The following ZNF667 variants were observed in gnomAD, a reference collection of about 807,000 sequenced individuals.
The protein encoded by ZNF667 is zinc finger protein 667.
Under a neutral mutation model 31.8 loss-of-function variants are expected in ZNF667, and 13 were observed. That is an observed-to-expected ratio of 0.41 (90% CI 0.27 to 0.65). The LOEUF (loss-of-function observed/expected upper bound fraction) is 0.65, where lower values mean the gene tolerates loss of function less well. Among genes scored for constraint, ZNF667 ranks in the 30% least tolerant of loss-of-function variants. The pLI is 0.32. For missense variants in ZNF667, 642 were observed against 725.6 expected (o/e 0.88, Z 1.32); for synonymous variants, 228 against 247.1 (o/e 0.92, Z 0.73).
At chr19:56,471,519 T>G (rs555097931) in intron 3 of ZNF667, among the ~76,000 whole-genome samples, 180 bp downstream of exon 3, 118 of 152,290 alleles carry the variant, frequency 7.7e-4, no homozygotes, top group African/African-American at 2.7e-3. Flanking sequence ...TGGGCAGATA[T>G]CCCTGAAGAG....
At position 56,442,594 on chromosome 19, in the gene ZNF667, G is replaced by A. The variant is rs35914474; in HGVS notation, c.401C>T (p.Pro134Leu). Residue 134 changes from proline to leucine, a missense_variant, in exon 7 of 7, where the codon CCT becomes CTT. Pro to Leu is a moderately conservative substitution (Grantham distance 98). Transcript: ENST00000504904. ...GCNKNSVLVK[P>L]KKGHSGKKPL... ...TTTCTTCCCTGAATGCCCTTTCTTAGGTTTTACTAGGACTGAATTTTTGTT... is the reference window on the plus strand; with the variant it reads ...TTTCTTCCCTGAATGCCCTTTCTTAAGTTTTACTAGGACTGAATTTTTGTT... The A allele has an allele frequency of 0.44, 711,332 of 1,613,488 alleles. 161,868 individuals are homozygous for A. Among genetic ancestry groups the A allele is most frequent in the Middle Eastern group, 0.56 (3,404 of 6,060 alleles).
chr19:56,469,972 G>C, intron 3 of ZNF667: 1 of 483,278 alleles, frequency 2.1e-6, no homozygotes, highest in South Asian at 1.5e-5. Context: ...CTTCACAGCG[G>C]AAACACATTC....
At chr19:56,470,094 T>C (rs754013878) in intron 3 of ZNF667, 2 of 451,446 alleles carry the variant, frequency 4.4e-6, no homozygotes, top group African/African-American at 2.0e-5. Flanking sequence ...TACTGAACCT[T>C]GCTGGGTCTT....
chr19:56,451,804 G>A (rs1334010594), intron 6 of ZNF667, among the ~76,000 whole-genome samples: 1 of 148,298 alleles, frequency 6.7e-6, no homozygotes, highest in African/African-American at 2.5e-5. Context: ...AGAAGGTTGA[G>A]GCTGCAGTGA....
chr19:56,458,244 A>G lies in ZNF667; in HGVS notation c.164T>C (p.Leu55Pro), dbSNP rs1442403897. The G allele has an allele frequency of 6.2e-7, 1 of 1,613,956 alleles. No homozygotes were observed. The highest frequency in any genetic ancestry group is 1.7e-5 in the Admixed American group (1 of 60,020). The change falls in exon 6 of 7, where the codon CTT becomes CCT. Residue 55 changes from leucine to proline, a missense_variant. Coordinates refer to ENST00000504904, the MANE Select transcript of ZNF667 (RefSeq NM_001321356.2). ...ENYRNLVSLG[L>P]SFRRPNVITL... ...GATCACATTTGGTCTCCGAAAGGAA[A>G]GACCTGTACGTGGGACAAACATGGG...
chr19:56,441,976 T>C lies in ZNF667; in HGVS notation c.1019A>G (p.Asn340Ser). Residue 340 changes from asparagine (N) to serine (S), a missense_variant, in exon 7 of 7, where the codon AAT becomes AGT. Asn to Ser is a conservative substitution (Grantham distance 46). Transcript: ENST00000504904. This position sits in a 1 kb window ranked among gnomAD's most constrained non-coding sequence, Gnocchi z 4.2. ...GTGAAGCATCAGGGGTGAAATCCTA[T>C]TAAATAATTTCCCACATTTTCTGCA... is the stretch of plus-strand genomic sequence containing the variant. The part of the protein sequence containing the change: ...FKCRKCGKLF[N>S]RISPLMLHQR... The C allele has an allele frequency of 1.2e-6, 2 of 1,614,010 alleles. No homozygotes were observed. The highest frequency in any genetic ancestry group is 2.2e-5 in the South Asian group (2 of 91,072).
intron 6 of ZNF667, among the ~76,000 whole-genome samples, chr19:56,447,150 G>GA (rs35935673): frequency 6.6e-6 from 1 of 151,424 alleles, no homozygotes; most frequent in African/African-American, 2.4e-5. Flanking sequence ...ACACAAAAAT[G>GA]AAAAAAACTT....
In ZNF667 at chr19:56,443,901, C is replaced by A. The variant is rs779778524; in HGVS notation, c.254-1160G>T. Among the ~76,000 whole-genome samples the A allele has an allele frequency of 3.4e-4, 52 of 152,228 alleles. 1 individual carries two copies. Among genetic ancestry groups the A allele is most frequent in the Non-Finnish European group, 6.3e-4 (43 of 68,024 alleles). ...ACCTGAGTGAATGTGGCATGATAAA[C>A]ACAGGCTTTAGAACTATGCTATCCA... On this transcript the variant is annotated intron_variant, in intron 6 of 6. Transcript: ENST00000504904.
intron 3 of ZNF667, chr19:56,468,434 C>CATAG (rs1408495456): frequency 2.6e-5 from 4 of 152,244 alleles, no homozygotes; most frequent in African/African-American, 9.7e-5. Flanking sequence ...TCTTATCTAC[C>CATAG]TATGACCTGA....
At chr19:56,456,240 G>A (rs1344646008) in intron 6 of ZNF667, among the ~76,000 whole-genome samples, 2 of 152,178 alleles carry the variant, frequency 1.3e-5, no homozygotes, top group East Asian at 1.9e-4. Flanking sequence ...TGTTGCTATT[G>A]ATGGTGCTGA....
chr19:56,456,691 A>C (rs1031106201), intron 6 of ZNF667, among the ~76,000 whole-genome samples: 4 of 152,230 alleles, frequency 2.6e-5, no homozygotes, highest in African/African-American at 2.4e-5. Flanking sequence ...AGGACATGAG[A>C]GACTAGTAAC....
At chr19:56,449,544 T>A in intron 6 of ZNF667, 1 of 296,560 alleles carries the variant, frequency 3.4e-6, no homozygotes, top group Non-Finnish European at 6.7e-6. Flanking sequence ...TAGCTGGGCA[T>A]AGTGGGACAC....
intron 5 of ZNF667, among the ~76,000 whole-genome samples, chr19:56,459,857 T>A (rs1285856397): frequency 6.6e-6 from 1 of 152,094 alleles, no homozygotes; most frequent in East Asian, 1.9e-4. Context: ...CTGGGTGTGA[T>A]GGAGCGTGCC....
intron 6 of ZNF667, chr19:56,444,324 T>A (rs1019191628): frequency 6.3e-5 from 25 of 398,074 alleles, no homozygotes; most frequent in Admixed American, 4.4e-5. Flanking sequence ...GCACATCACA[T>A]GGTGAAACAA....
At chr19:56,452,136 C>T (rs2042844135) in intron 6 of ZNF667, among the ~76,000 whole-genome samples, 1 of 151,380 alleles carries the variant, frequency 6.6e-6, no homozygotes, top group Non-Finnish European at 1.5e-5. Flanking sequence ...GCAACCTCTG[C>T]CTCCTGGGTT....
At chr19:56,450,557 C>A (rs771583760) in intron 6 of ZNF667, among the ~76,000 whole-genome samples, 1 of 152,058 alleles carries the variant, frequency 6.6e-6, no homozygotes, top group Non-Finnish European at 1.5e-5. Flanking sequence ...ATAGTAACTG[C>A]ACAGATAAAT....
chr19:56,442,220 C>T lies in ZNF667; in HGVS notation c.775G>A (p.Gly259Arg), dbSNP rs769551749. ...VGNVCQCRKC[G>R]KAFNQMSSLL... The stretch of plus-strand genomic sequence containing the variant: ...GATGACATCTGATTGAAGGCTTTTC[C>T]GCACTTTCTGCACTGGCAGACATTC... The change falls in exon 7 of 7, where the codon GGA becomes AGA. Residue 259 changes from glycine to arginine, a missense_variant. Transcript: ENST00000504904. 93 of 1,613,962 alleles carry T rather than the reference C, an allele frequency of 5.8e-5. No individual in the cohort carries two copies. Among genetic ancestry groups the T allele is most frequent in the Admixed American group, 3.8e-4 (23 of 60,000 alleles).
rs773115401 is a variant in ZNF667 at position 56,442,584 on chromosome 19, C to T, written c.411G>A (p.Gly137=). The part of the protein sequence containing the change: ...KNSVLVKPKK[G]HSGKKPLKCN... ...ATTTTAAAGGTTTCTTCCCTGAATGCCCTTTCTTAGGTTTTACTAGGACTG... is the reference window on the plus strand; with the variant it reads ...ATTTTAAAGGTTTCTTCCCTGAATGTCCTTTCTTAGGTTTTACTAGGACTG... The change falls in exon 7 of 7, where the codon GGG becomes GGA. Residue 137 remains glycine, a synonymous_variant. Coordinates refer to ENST00000504904, the MANE Select transcript of ZNF667 (RefSeq NM_001321356.2). The T allele has an allele frequency of 3.1e-6, 5 of 1,614,040 alleles. No homozygotes were observed. The Middle Eastern group carries it at 8.2e-4, about 266-fold the overall frequency.
At chr19:56,468,727 CAGGCTAA>C (rs1234242643) in intron 3 of ZNF667, 3 of 152,210 alleles carry the variant, frequency 2.0e-5, no homozygotes, top group Non-Finnish European at 4.4e-5. Flanking sequence ...TGCCAGGAAA[CAGGCTAA>C]AGGCTAAATA....
Sources: gnomAD v4.1 joint callset for allele counts (sites outside exome capture counted in the v4.1 genomes callset) on GRCh38, gnomAD v4.1.1 for gene constraint, Gnocchi (gnomAD v3.1) non-coding constraint, MANE v1.5 for transcripts, NCBI Gene and HGNC (gene_info 2026-07-23, HGNC 2026-07-21) for gene names.